RBFOX3: variants seen among roughly 807,000 people sequenced by gnomAD.
RBFOX3 encodes the protein RNA binding protein fox-1 homolog 3.
Under a neutral mutation model 48.7 loss-of-function variants are expected in RBFOX3, and 17 were observed. The observed-to-expected ratio is 0.35, with a 90% CI of 0.24 to 0.52. The LOEUF (loss-of-function observed/expected upper bound fraction) is 0.52. Ranked by LOEUF, RBFOX3 falls within the 20% of genes least tolerant of loss-of-function variation. The pLI is 0.94. For synonymous variants in RBFOX3, 212 were observed against 209.5 expected (o/e 1.01, Z -0.10); for missense variants, 382 against 497.5 (o/e 0.77, Z 2.21).
intron 3 of RBFOX3, among the ~76,000 whole-genome samples, chr17:79,292,565 TACACAC>T (rs201523471): frequency 7.2e-6 from 1 of 138,458 alleles, no homozygotes; most frequent in African/African-American, 3.0e-5. Flanking sequence ...GTTGGCACTG[TACACAC>T]ACACACACAC....
chr17:79,566,605 G>A (rs1436134297), intron 1 of RBFOX3, among the ~76,000 whole-genome samples: 1 of 152,222 alleles, frequency 6.6e-6, no homozygotes, highest in Non-Finnish European at 1.5e-5. Flanking sequence ...GACAGAATCA[G>A]CCAGTGGAGA....
At chr17:79,244,336 C>T (rs545837494) in intron 3 of RBFOX3, among the ~76,000 whole-genome samples, 90 of 152,200 alleles carry the variant, frequency 5.9e-4, no homozygotes, top group African/African-American at 2.1e-3. Flanking sequence ...GGAACCTGCC[C>T]AGAACTTTCA....
intron 2 of RBFOX3, among the ~76,000 whole-genome samples, chr17:79,400,153 C>G (rs2062604402): frequency 6.6e-6 from 1 of 152,108 alleles, no homozygotes; most frequent in African/African-American, 2.4e-5. Flanking sequence ...CCACGGGGCT[C>G]TGGAACTCCA....
chr17:79,197,140 C>G (rs2055761637), intron 4 of RBFOX3, among the ~76,000 whole-genome samples: 1 of 147,518 alleles, frequency 6.8e-6, no homozygotes. Context: ...GGAGGTGCAC[C>G]AGTTCCTGTG....
At chr17:79,283,576 A>G (rs888189293) in intron 3 of RBFOX3, among the ~76,000 whole-genome samples, 1 of 152,234 alleles carries the variant, frequency 6.6e-6, no homozygotes, top group Non-Finnish European at 1.5e-5. Context: ...AATTCGGTCT[A>G]GATTTAAAAG....
At position 79,392,360 on chromosome 17, in the gene RBFOX3, C is replaced by T. The variant is rs1169003955; in HGVS notation, c.-174-84536G>A. On this transcript the variant is annotated intron_variant, in intron 2 of 14. Coordinates refer to ENST00000693108, the MANE Select transcript of RBFOX3 (RefSeq NM_001350451.2). The surrounding 1 kb of genome is among the most constrained non-coding windows in gnomAD (Gnocchi z 5.0). The stretch of plus-strand genomic sequence containing the variant: ...GTGTGATCCTGGGCACGTGATTTCA[C>T]CGTCTTTCATTGTGGAGTTGTGAAG... Among the ~76,000 whole-genome samples the T allele has an allele frequency of 6.6e-6, 1 of 152,212 alleles. No homozygotes were observed. Among genetic ancestry groups the T allele is most frequent in the Non-Finnish European group, 1.5e-5 (1 of 68,038 alleles).
intron 2 of RBFOX3, among the ~76,000 whole-genome samples, chr17:79,447,995 T>G (rs1364746876): frequency 3.9e-5 from 6 of 152,180 alleles, no homozygotes; most frequent in Non-Finnish European, 8.8e-5. Context: ...CCCTTCGCTC[T>G]CTCTCCTGCT....
intron 4 of RBFOX3, among the ~76,000 whole-genome samples, chr17:79,190,807 C>A (rs970116164): frequency 4.6e-5 from 7 of 152,164 alleles, no homozygotes; most frequent in Non-Finnish European, 1.0e-4. Context: ...GGCCACTGAC[C>A]AAAACTTGTA....
At chr17:79,385,426 G>C (rs2060436120) in intron 2 of RBFOX3, among the ~76,000 whole-genome samples, 1 of 152,086 alleles carries the variant, frequency 6.6e-6, no homozygotes, top group Non-Finnish European at 1.5e-5. Context: ...ATCCATCGAG[G>C]GTGCAGGATG....
chr17:79,091,238 G>A lies in RBFOX3; in HGVS notation c.1078-353C>T, dbSNP rs143603955. Among the ~76,000 whole-genome samples the A allele has an allele frequency of 3.2e-3, 485 of 152,284 alleles. 3 individuals carry two copies. Among genetic ancestry groups the A allele is most frequent in the South Asian group, 4.6e-3 (22 of 4,826 alleles). On this transcript the variant is annotated intron_variant, in intron 14 of 14. Coordinates refer to ENST00000693108, the MANE Select transcript of RBFOX3 (RefSeq NM_001350451.2). ...GAGGTGGGGGAGCCGGGCCCCCCAC[G>A]GCAAGGGCCTGGTGGGCGGCAGGAC...
intron 2 of RBFOX3, among the ~76,000 whole-genome samples, chr17:79,377,646 G>A (rs62063988): frequency 0.12 from 18,728 of 152,224 alleles, 1,576 homozygotes; most frequent in Non-Finnish European, 0.19. Flanking sequence ...TTGTGTCCAC[G>A]GGGGAGGGGC....
intron 2 of RBFOX3, among the ~76,000 whole-genome samples, chr17:79,322,877 C>T (rs943763927): frequency 9.9e-5 from 15 of 152,246 alleles, no homozygotes; most frequent in African/African-American, 3.6e-4. Flanking sequence ...GCTGTCTACA[C>T]AGCCGACTGT....
chr17:79,460,508 C>T (rs2075239837), intron 2 of RBFOX3, among the ~76,000 whole-genome samples: 1 of 152,204 alleles, frequency 6.6e-6, no homozygotes, highest in Non-Finnish European at 1.5e-5. Context: ...AGCCTCAAGC[C>T]CCATGCCCCA....
chr17:79,486,448 C>T (rs1268847877), intron 1 of RBFOX3, among the ~76,000 whole-genome samples: 1 of 152,142 alleles, frequency 6.6e-6, no homozygotes, highest in African/African-American at 2.4e-5. Context: ...GGGAAAAGCC[C>T]CTGCAGCCTC....
At chr17:79,343,153 C>T (rs1252472630) in intron 2 of RBFOX3, among the ~76,000 whole-genome samples, 1 of 152,184 alleles carries the variant, frequency 6.6e-6, no homozygotes, top group Non-Finnish European at 1.5e-5. Context: ...TGGCTTAGTA[C>T]ATGACGATCT....
rs2066753367 is a variant in RBFOX3 at position 79,423,236 on chromosome 17, T to C, written c.-175+59218A>G. On this transcript the variant is annotated intron_variant, in intron 2 of 14. Coordinates refer to ENST00000693108, the MANE Select transcript of RBFOX3 (RefSeq NM_001350451.2). The surrounding 1 kb of genome is among the most constrained non-coding windows in gnomAD (Gnocchi z 4.9). ...GCGGTCTCCCCGTGGAAGCCCCATC[T>C]TTCCAGGTTCCCAGGTACAAGTTCG... Among the ~76,000 whole-genome samples, 1 of 152,196 alleles carries C rather than the reference T, an allele frequency of 6.6e-6. No individual in the cohort carries two copies. Among genetic ancestry groups the C allele is most frequent in the Admixed American group, 6.5e-5 (1 of 15,278 alleles).
At chr17:79,513,530 A>AC (rs1344560110) in intron 1 of RBFOX3, among the ~76,000 whole-genome samples, 42 of 152,196 alleles carry the variant, frequency 2.8e-4, no homozygotes, top group Admixed American at 1.8e-3. Flanking sequence ...CCTCCTGTGG[A>AC]CCCCCATCCC....
intron 4 of RBFOX3, among the ~76,000 whole-genome samples, chr17:79,118,975 CAAAAAAA>C (rs767042086): frequency 1.3e-5 from 1 of 75,750 alleles, no homozygotes. Flanking sequence ...ACCCCTGTCT[CAAAAAAA>C]AAAAAAAAAA....
Position 79,090,252 on chromosome 17 carries a change from C to T in RBFOX3, c.*631G>A, listed in dbSNP as rs56204111. The T allele has an allele frequency of 0.062, 9,477 of 152,416 alleles. 406 individuals carry two copies. The highest frequency in any genetic ancestry group is 0.09 in the Non-Finnish European group (6,165 of 68,128). The allele number at this position is 152,416 out of a possible 1,614,324, so 9.4% of individuals were successfully genotyped here. A position where few individuals can be genotyped will look rare whatever the true frequency, so the allele number is the denominator to read the frequency against. On this transcript the variant is annotated 3_prime_UTR_variant, in exon 15 of 15. Transcript: ENST00000693108. ...AGCCCTTTCTGTTGGGAGCTGGCCC[C>T]GGGGCTACTGTTGGACGGCTTCCTC...
Sources: gnomAD v4.1 joint callset for allele counts (sites outside exome capture counted in the v4.1 genomes callset) on GRCh38, gnomAD v4.1.1 for gene constraint, Gnocchi (gnomAD v3.1) non-coding constraint, MANE v1.5 for transcripts, NCBI Gene and HGNC (gene_info 2026-07-23, HGNC 2026-07-21) for gene names.